The following DDX19B variants were observed in gnomAD, a reference collection of about 807,000 sequenced individuals.
DDX19B encodes the protein ATP-dependent RNA helicase DDX19B.
DDX19B carries 27 observed loss-of-function variants against 58.1 expected under a neutral mutation model. The observed-to-expected ratio is 0.46, with a 90% CI of 0.34 to 0.64. The LOEUF is 0.64. DDX19B is among the 30% of genes least tolerant of loss of function. The pLI, the probability that DDX19B is intolerant of heterozygous loss-of-function variation, is 0.01. For missense variants in DDX19B, 399 were observed against 596.5 expected, an observed-to-expected ratio of 0.67 and a Z score of 3.45; for synonymous variants, 187 against 214.4, an observed-to-expected ratio of 0.87 and a Z score of 1.12.
chr16:70,308,981 A>G (rs920379578), intron 1 of DDX19B, among the ~76,000 whole-genome samples: 1 of 151,356 alleles, frequency 6.6e-6, no homozygotes, highest in Non-Finnish European at 1.5e-5. Context: ...GCCCTCCCCC[A>G]TTAGTGTATT....
At chr16:70,313,268 T>C (rs139540400) in intron 2 of DDX19B, among the ~76,000 whole-genome samples, 3,966 of 152,252 alleles carry the variant, frequency 0.026, 85 homozygotes, top group Middle Eastern at 0.044. Context: ...TCCACCGGCC[T>C]TGGCCTCCCA....
intron 5 of DDX19B, among the ~76,000 whole-genome samples, chr16:70,319,099 A>G (rs927910645): frequency 6.6e-6 from 1 of 152,224 alleles, no homozygotes. Flanking sequence ...GCGAGACTCC[A>G]TCTCAAACAA....
chr16:70,322,891 C>CA (rs113261271), intron 5 of DDX19B, among the ~76,000 whole-genome samples: 2,546 of 45,522 alleles, frequency 0.056, 46 homozygotes, highest in African/African-American at 0.083. Context: ...AACTCCGTTG[C>CA]AAAAAAAAAA....
chr16:70,329,804 G>C, intron 8 of DDX19B, 27 bp from the exon 9 acceptor site: 2 of 1,613,596 alleles, frequency 1.2e-6, no homozygotes, highest in Non-Finnish European at 1.7e-6. Flanking sequence ...GCCACCTGGG[G>C]CCACCTACCA....
At chr16:70,319,574 C>CTTTT (rs1184728178) in intron 5 of DDX19B, 2 of 88,614 alleles carry the variant, frequency 2.3e-5, no homozygotes, top group African/African-American at 1.6e-4. Flanking sequence ...AATTCTGAAT[C>CTTTT]TCTTTTTTTT....
upstream of DDX19B, among the ~76,000 whole-genome samples, chr16:70,292,871 C>T (rs554179482): frequency 6.6e-6 from 1 of 151,800 alleles, no homozygotes; most frequent in Non-Finnish European, 1.5e-5. Flanking sequence ...TTTGGGAGGC[C>T]GAGGCGGGCA....
chr16:70,325,269 G>A (rs879553911), intron 6 of DDX19B, among the ~76,000 whole-genome samples: 4 of 152,162 alleles, frequency 2.6e-5, no homozygotes, highest in Non-Finnish European at 5.9e-5. Flanking sequence ...AGAAAGTTCT[G>A]AGAGCTTTCT....
chr16:70,322,229 T>C (rs1386835407), intron 5 of DDX19B, among the ~76,000 whole-genome samples: 1 of 152,036 alleles, frequency 6.6e-6, no homozygotes, highest in East Asian at 1.9e-4. Context: ...CACTTTATTC[T>C]AACTACAAGG....
intron 4 of DDX19B, among the ~76,000 whole-genome samples, chr16:70,316,960 A>C (rs1962455749): frequency 6.6e-6 from 1 of 152,008 alleles, no homozygotes; most frequent in South Asian, 2.1e-4. Context: ...TAATCCCAGG[A>C]CTTTGGGAGG....
At chr16:70,322,210 A>G (rs1962868933) in intron 5 of DDX19B, among the ~76,000 whole-genome samples, 1 of 152,094 alleles carries the variant, frequency 6.6e-6, no homozygotes, top group South Asian at 2.1e-4. Context: ...AAAGAAATTA[A>G]ATATACAACA....
intron 6 of DDX19B, among the ~76,000 whole-genome samples, chr16:70,325,288 G>A (rs541720606): frequency 2.8e-4 from 43 of 152,266 alleles, no homozygotes; most frequent in African/African-American, 9.9e-4. Flanking sequence ...CTGAGTAAAC[G>A]AAAAGAAAGC....
At chr16:70,321,026 G>A (rs1430386161) in intron 5 of DDX19B, among the ~76,000 whole-genome samples, 2 of 148,268 alleles carry the variant, frequency 1.3e-5, no homozygotes, top group African/African-American at 5.0e-5. Context: ...GCAATGGCGC[G>A]ATCTCGGTTC....
At chr16:70,331,594 A>T in intron 9 of DDX19B, 128 bp from the exon 10 acceptor site, 1 of 1,278,704 alleles carries the variant, frequency 7.8e-7, no homozygotes, top group Non-Finnish European at 1.1e-6. Flanking sequence ...AGAAATTTTA[A>T]GCCTAACCTC....
At chr16:70,312,790 T>G in intron 2 of DDX19B, 133 bp downstream of exon 2, 1 of 675,714 alleles carries the variant, frequency 1.5e-6, no homozygotes, top group Non-Finnish European at 2.5e-6. Flanking sequence ...ACCATTTGAT[T>G]TGTAAATCAA....
At chr16:70,294,902 C>T (rs1961165419), upstream of DDX19B, 1 of 1,526,850 alleles carries the variant, frequency 6.5e-7, no homozygotes, top group Non-Finnish European at 8.7e-7. Context: ...TTCCCATCAC[C>T]CTGCCTGTGG....
intron 8 of DDX19B, 40 bp from the exon 9 acceptor site, chr16:70,329,791 G>T (rs779414681): frequency 1.2e-6 from 2 of 1,612,238 alleles, no homozygotes; most frequent in African/African-American, 1.3e-5. Context: ...GTCGCTTCCC[G>T]GGGCCACCTG....
At chr16:70,298,786 A>T (rs562951472), upstream of DDX19B, among the ~76,000 whole-genome samples, 4 of 152,318 alleles carry the variant, frequency 2.6e-5, no homozygotes, top group East Asian at 7.7e-4. Flanking sequence ...CATAGTGGTC[A>T]AGTGGACTTT....
rs1161199033 is a variant in DDX19B at position 70,334,890 on chromosome 16, G to A, written c.*1308G>A. On this transcript the variant is annotated 3_prime_UTR_variant, in exon 12 of 12. Coordinates refer to ENST00000288071, the MANE Select transcript of DDX19B (RefSeq NM_007242.7). The stretch of plus-strand genomic sequence containing the variant: ...AGCAATATGAAACCCCAACCAAGAG[G>A]AGTACTCTGCAGTTCTTTGGCTTTG... 1.3e-5 allele frequency: 2 copies of A among 152,228 alleles called. No homozygotes were observed. Among genetic ancestry groups the A allele is most frequent in the African/African-American group, 2.4e-5 (1 of 41,460 alleles). 9.4% of individuals were successfully genotyped at this position (152,228 alleles called of 1,614,324 possible).
intron 1 of DDX19B, among the ~76,000 whole-genome samples, chr16:70,310,924 C>T (rs936543230): frequency 2.0e-5 from 3 of 149,434 alleles, no homozygotes; most frequent in Admixed American, 1.3e-4. Flanking sequence ...CCAGCTACTC[C>T]GGAGGCTGAG....
Sources: gnomAD v4.1 joint callset for allele counts (sites outside exome capture counted in the v4.1 genomes callset) on GRCh38, gnomAD v4.1.1 for gene constraint, MANE v1.5 for transcripts, NCBI Gene and HGNC (gene_info 2026-07-23, HGNC 2026-07-21) for gene names.